NAA38: variants seen among roughly 807,000 people sequenced by gnomAD.
NAA38 encodes the protein N-alpha-acetyltransferase 38, NatC auxiliary subunit, also known as LSM domain containing 1.
NAA38 carries 15 observed loss-of-function variants against 12.6 expected under a neutral mutation model. That is an observed-to-expected ratio of 1.19 (90% confidence interval 0.79 to 1.83). The LOEUF (loss-of-function observed/expected upper bound fraction) is 1.83, where lower values mean the gene tolerates loss of function less well. Ranked by LOEUF, NAA38 falls within the 40% of genes most tolerant of loss-of-function variation. The probability of loss-of-function intolerance (pLI) is 0.00; values close to 1 mark genes in which losing one functional copy is unlikely to be tolerated. For missense variants in NAA38, 183 were observed against 171.7 expected (o/e 1.07, Z -0.37); for synonymous variants, 88 against 69.9 (o/e 1.26, Z -1.29).
At chr17:7,866,320 G>A (rs1008649478) in intron 3 of NAA38, among the ~76,000 whole-genome samples, 1 of 143,576 alleles carries the variant, frequency 7.0e-6, no homozygotes, top group Non-Finnish European at 1.5e-5. Flanking sequence ...GTGTTAGCCA[G>A]GATGGTCTTG....
At chr17:7,863,598 C>G (rs1966910694) in intron 3 of NAA38, 1 of 152,154 alleles carries the variant, frequency 6.6e-6, no homozygotes, top group African/African-American at 2.4e-5. Context: ...TCTACCCTTA[C>G]AGCAAGTCAC....
Position 7,857,063 on chromosome 17 carries a change from C to G in NAA38, c.217G>C (p.Asp73His). The change falls in exon 2 of 3, where the codon GAC becomes CAC. Residue 73 changes from aspartate (D) to histidine (H), a missense_variant. Physicochemically the swap from Asp to His is moderately conservative, Grantham distance 81. Transcript: ENST00000575771. ...LVGCFLCTDR[D>H]CNVILGSAQE... ...GCCGAGCCCAGGATGACATTGCAGT[C>G]ACGGTCAGTGCAGAGGAAGCAGCCG... 1 of 1,613,368 alleles carries G rather than the reference C, an allele frequency of 6.2e-7. No individual in the cohort carries two copies. Among genetic ancestry groups the G allele is most frequent in the Non-Finnish European group, 8.5e-7 (1 of 1,179,880 alleles).
chr17:7,858,605 G>T (rs2078854400), upstream of NAA38: 2 of 1,605,990 alleles, frequency 1.2e-6, no homozygotes, highest in Non-Finnish European at 1.7e-6. Flanking sequence ...CTCCTTTAAA[G>T]ATCCGCAAGC....
In NAA38 at chr17:7,856,995, T is replaced by G. The variant is rs759485885; in HGVS notation, c.265+20A>C. On this transcript the variant is annotated intron_variant, in intron 2 of 2. Transcript: ENST00000575771. ...GTTCCGCCACATTACCAGGCGGGTG[T>G]GCATTCCCCGGGCACTGACCCGACG... The G allele has an allele frequency of 3.8e-6, 6 of 1,596,338 alleles. No individual in the cohort carries two copies. The highest frequency in any genetic ancestry group is 3.3e-5 in the South Asian group (3 of 90,166).
At chr17:7,857,302 C>G in intron 1 of NAA38, 81 bp downstream of exon 1, 1 of 1,612,030 alleles carries the variant, frequency 6.2e-7, no homozygotes, top group Non-Finnish European at 8.5e-7. Flanking sequence ...AGCCCAGAGG[C>G]TGCCGGGAGC....
chr17:7,881,160 G>A (rs908147979), intron 2 of NAA38, among the ~76,000 whole-genome samples: 3 of 152,182 alleles, frequency 2.0e-5, no homozygotes, highest in African/African-American at 7.2e-5. Context: ...CTGAGGAGAG[G>A]AACTCCGGGA....
upstream of NAA38, chr17:7,858,735 G>C (rs777627998): frequency 2.6e-5 from 42 of 1,606,216 alleles, no homozygotes; most frequent in Non-Finnish European, 3.2e-5. Flanking sequence ...CTGGTGGCAG[G>C]GGTCGTATTA....
intron 2 of NAA38, among the ~76,000 whole-genome samples, chr17:7,868,672 A>G (rs1048577077): frequency 3.3e-5 from 5 of 152,174 alleles, no homozygotes; most frequent in African/African-American, 1.2e-4. Flanking sequence ...TGGAAAAGAC[A>G]CTCAGAAAAC....
rs1421840673 is a variant in NAA38, at chr17:7,857,013, AC to A, written c.265+1del. ...GCGGGTGTGCATTCCCCGGGCACTG[AC>A]CCGACGGCTTGAGGAACTCCTGCGC... On this transcript the variant is annotated splice_donor_variant, in intron 2 of 2. Transcript: ENST00000575771. LOFTEE classifies it high-confidence loss of function. The A allele has an allele frequency of 6.2e-7, 1 of 1,603,202 alleles. No homozygotes were observed. Among genetic ancestry groups the A allele is most frequent in the Non-Finnish European group, 8.5e-7 (1 of 1,172,312 alleles).
upstream of NAA38, chr17:7,858,860 T>TG (rs753308061): frequency 6.7e-7 from 1 of 1,488,942 alleles, no homozygotes; most frequent in Non-Finnish European, 9.0e-7. Flanking sequence ...TTAGAAGGAA[T>TG]GGGGAATCCC....
intron 1 of NAA38, chr17:7,884,866 G>T: frequency 7.9e-7 from 1 of 1,258,328 alleles, no homozygotes; most frequent in East Asian, 3.1e-5. Context: ...TGTCGGAGGA[G>T]GAAGAAGAGG....
At chr17:7,861,631 C>T (rs537401954), upstream of NAA38, 1 of 152,318 alleles carries the variant, frequency 6.6e-6, no homozygotes, top group East Asian at 1.9e-4. Flanking sequence ...CCTTTCCTCA[C>T]ACATCCAGTC....
chr17:7,877,389 A>G (rs1313238556), intron 2 of NAA38, among the ~76,000 whole-genome samples: 3 of 148,290 alleles, frequency 2.0e-5, no homozygotes, highest in Non-Finnish European at 4.4e-5. Flanking sequence ...TTTTTTTTAC[A>G]AGTTGCTTGT....
chr17:7,856,922 A>T, intron 2 of NAA38, 79 bp from the exon 3 acceptor site: 1 of 1,592,432 alleles, frequency 6.3e-7, no homozygotes, highest in Non-Finnish European at 8.6e-7. Context: ...CGAGCCCCAG[A>T]AAACAAGGGT....
intron 2 of NAA38, among the ~76,000 whole-genome samples, chr17:7,868,976 A>C (rs1414526639): frequency 6.6e-6 from 1 of 152,246 alleles, no homozygotes; most frequent in African/African-American, 2.4e-5. Flanking sequence ...TACTGGGAGA[A>C]GAGTAACTAA....
chr17:7,869,662 C>G (rs954142935), intron 2 of NAA38, among the ~76,000 whole-genome samples: 1 of 151,944 alleles, frequency 6.6e-6, no homozygotes, highest in Non-Finnish European at 1.5e-5. Context: ...ACTTGGAAGG[C>G]TAAGGCAGGA....
At chr17:7,857,680 TCG>T, upstream of NAA38, 1 of 1,324,386 alleles carries the variant, frequency 7.6e-7, no homozygotes. Flanking sequence ...TCTTAAGATA[TCG>T]CGAGACCTTT....
exon 1 of NAA38, chr17:7,885,179 G>T: frequency 1.0e-6 from 1 of 978,444 alleles, no homozygotes; most frequent in Non-Finnish European, 1.2e-6. Flanking sequence ...CGGCCGAGCC[G>T]AGGCGAATCC....
intron 1 of NAA38, chr17:7,884,919 C>T: frequency 7.2e-7 from 1 of 1,397,996 alleles, no homozygotes; most frequent in South Asian, 1.5e-5. Flanking sequence ...GAGGTGGAGG[C>T]GGCCGACGAG....
Sources: gnomAD v4.1 joint callset for allele counts (sites outside exome capture counted in the v4.1 genomes callset) on GRCh38, gnomAD v4.1.1 for gene constraint, MANE v1.5 for transcripts, NCBI Gene and HGNC (gene_info 2026-07-23, HGNC 2026-07-21) for gene names.